INPP4B: variants seen among roughly 807,000 people sequenced by gnomAD.
INPP4B encodes the protein inositol polyphosphate 4-phosphatase type II.
In INPP4B, 55 loss-of-function variants were observed where a neutral mutation model predicts 122.5. The observed-to-expected ratio is 0.45, with a 90% CI of 0.36 to 0.56. The LOEUF is 0.56. INPP4B is among the 20% of genes least tolerant of loss of function. The probability of loss-of-function intolerance (pLI) is 0.00; values close to 1 mark genes in which losing one functional copy is unlikely to be tolerated. For synonymous variants in INPP4B, 403 were observed against 388.7 expected, an observed-to-expected ratio of 1.04 and a Z score of -0.43; for missense variants, 1,000 against 1,097.7, an observed-to-expected ratio of 0.91 and a Z score of 1.26.
At chr4:142,763,082 C>A (rs1771582917) in intron 1 of INPP4B, among the ~76,000 whole-genome samples, 1 of 152,126 alleles carries the variant, frequency 6.6e-6, no homozygotes, top group Non-Finnish European at 1.5e-5. Context: ...CTTTTATTTA[C>A]AAATAACCCA....
chr4:142,751,265 T>A, intron 1 of INPP4B, among the ~76,000 whole-genome samples: 3 of 109,790 alleles, frequency 2.7e-5, no homozygotes, highest in Admixed American at 1.0e-4. Context: ...AAAGCCAAAG[T>A]AATGGAGTTA....
At chr4:142,723,832 G>A (rs1765003673) in intron 2 of INPP4B, among the ~76,000 whole-genome samples, 1 of 152,088 alleles carries the variant, frequency 6.6e-6, no homozygotes, top group East Asian at 1.9e-4. Flanking sequence ...ATATGTTAGT[G>A]TGTATTACCT....
intron 2 of INPP4B, among the ~76,000 whole-genome samples, chr4:142,579,193 A>G (rs1404459220): frequency 6.6e-6 from 1 of 152,080 alleles, no homozygotes; most frequent in African/African-American, 2.4e-5. Context: ...ATAGGTAAAC[A>G]AATAAATGCA....
chr4:142,135,364 G>T (rs1310508286), intron 18 of INPP4B, among the ~76,000 whole-genome samples: 1 of 152,008 alleles, frequency 6.6e-6, no homozygotes, highest in Non-Finnish European at 1.5e-5. Flanking sequence ...GTCTTATATG[G>T]CCTACAAATT....
intron 7 of INPP4B, among the ~76,000 whole-genome samples, chr4:142,360,980 G>C (rs527469187): frequency 1.3e-5 from 2 of 151,900 alleles, no homozygotes; most frequent in African/African-American, 4.8e-5. Flanking sequence ...GCTATTGTTT[G>C]CTCTTTGAGT....
intron 7 of INPP4B, 134 bp from the exon 8 acceptor site, chr4:142,314,896 G>C: frequency 1.4e-6 from 1 of 702,674 alleles, no homozygotes; most frequent in Admixed American, 2.9e-5. Context: ...GAATTCACCT[G>C]TGTGCAACAC....
At chr4:142,545,813 A>ATATGTGTGT (rs1829564881) in intron 2 of INPP4B, among the ~76,000 whole-genome samples, 1 of 71,178 alleles carries the variant, frequency 1.4e-5, no homozygotes, top group African/African-American at 3.8e-5. Flanking sequence ...ATACACATAT[A>ATATGTGTGT]CATGTGTGTA....
At chr4:142,299,536 T>C (rs74704810) in intron 9 of INPP4B, among the ~76,000 whole-genome samples, 2 of 151,924 alleles carry the variant, frequency 1.3e-5, no homozygotes, top group East Asian at 3.9e-4. Context: ...TTTTTTTTTT[T>C]TCTACACAAA....
intron 25 of INPP4B, among the ~76,000 whole-genome samples, chr4:142,035,110 A>G (rs1743024024): frequency 6.6e-6 from 1 of 152,162 alleles, no homozygotes; most frequent in Non-Finnish European, 1.5e-5. Context: ...CTGGCACAGG[A>G]GGATTTGTCT....
At chr4:142,524,260 T>G (rs1826520271) in intron 2 of INPP4B, among the ~76,000 whole-genome samples, 1 of 152,170 alleles carries the variant, frequency 6.6e-6, no homozygotes, top group Admixed American at 6.5e-5. Flanking sequence ...TGAACTAGTT[T>G]ACAGTCCCAC....
At chr4:142,180,448 C>A (rs1415015158) in intron 15 of INPP4B, among the ~76,000 whole-genome samples, 2 of 152,098 alleles carry the variant, frequency 1.3e-5, no homozygotes, top group African/African-American at 4.8e-5. Context: ...TAATTTAAAT[C>A]TCCTCCTCTA....
At chr4:142,437,855 A>T (rs1264308416) in intron 3 of INPP4B, among the ~76,000 whole-genome samples, 1 of 152,190 alleles carries the variant, frequency 6.6e-6, no homozygotes, top group Non-Finnish European at 1.5e-5. Flanking sequence ...ATATATCAAT[A>T]ACAAGTTCTG....
chr4:142,627,415 G>A (rs987851660), intron 2 of INPP4B, among the ~76,000 whole-genome samples: 2 of 144,868 alleles, frequency 1.4e-5, no homozygotes, highest in African/African-American at 5.2e-5. Context: ...TTATTATTTT[G>A]AGATACGTCC....
chr4:142,039,597 T>TAA (rs139774070), intron 25 of INPP4B, among the ~76,000 whole-genome samples: 35 of 147,334 alleles, frequency 2.4e-4, no homozygotes, highest in African/African-American at 8.5e-4. Flanking sequence ...AGTGCTTTAT[T>TAA]AAAAAAAAAA....
intron 2 of INPP4B, among the ~76,000 whole-genome samples, chr4:142,633,808 G>T (rs930855987): frequency 6.6e-6 from 1 of 152,016 alleles, no homozygotes; most frequent in African/African-American, 2.4e-5. Flanking sequence ...ACATAAAATA[G>T]ATTAATTGAA....
chr4:142,411,256 A>G (rs1047656642), intron 5 of INPP4B, among the ~76,000 whole-genome samples: 3 of 152,206 alleles, frequency 2.0e-5, no homozygotes, highest in African/African-American at 7.2e-5. Flanking sequence ...GGGTTCCATT[A>G]CTCAGTGGAT....
At chr4:142,158,943 T>C (rs1445043572) in intron 17 of INPP4B, among the ~76,000 whole-genome samples, 2 of 152,050 alleles carry the variant, frequency 1.3e-5, no homozygotes, top group African/African-American at 4.8e-5. Context: ...ATATCTTCTT[T>C]TCTGTATACA....
intron 1 of INPP4B, among the ~76,000 whole-genome samples, chr4:142,745,789 G>A (rs1768653537): frequency 6.6e-6 from 1 of 151,886 alleles, no homozygotes; most frequent in African/African-American, 2.4e-5. Flanking sequence ...ATGTTAATAT[G>A]AGACAGATAA....
intron 1 of INPP4B, among the ~76,000 whole-genome samples, chr4:142,727,258 G>A (rs918843230): frequency 1.3e-5 from 2 of 152,144 alleles, no homozygotes; most frequent in African/African-American, 4.8e-5. Flanking sequence ...GAGAACTTTA[G>A]CTTGAAGAAG....
Sources: allele counts gnomAD v4.1 joint callset (sites outside exome capture counted in the v4.1 genomes callset), GRCh38; gene constraint gnomAD v4.1.1; transcripts MANE v1.5; gene names NCBI Gene and HGNC (gene_info 2026-07-23, HGNC 2026-07-21).